The following DISC1 variants were observed in gnomAD, a reference collection of about 807,000 sequenced individuals.
The protein encoded by DISC1 is disrupted in schizophrenia 1 protein.
DISC1 carries 57 observed loss-of-function variants against 84.5 expected under a neutral mutation model. The ratio of observed to expected loss-of-function variants is 0.67; its 90% CI spans 0.55 to 0.84. The LOEUF (loss-of-function observed/expected upper bound fraction) is 0.84, where lower values mean the gene tolerates loss of function less well. Among genes scored for constraint, DISC1 ranks in the 40% least tolerant of loss-of-function variants. DISC1 has a pLI of 0.00. For missense variants in DISC1, 1,000 were observed against 1,057.8 expected, an observed-to-expected ratio of 0.95 and a Z score of 0.76; for synonymous variants, 411 against 415.2, an observed-to-expected ratio of 0.99 and a Z score of 0.12.
chr1:231,781,390 T>A (rs1022045769), intron 6 of DISC1, among the ~76,000 whole-genome samples: 2 of 152,172 alleles, frequency 1.3e-5, no homozygotes, highest in African/African-American at 4.8e-5. Flanking sequence ...TAGGTAGCTC[T>A]TTGGAGGCTT....
intron 9 of DISC1, among the ~76,000 whole-genome samples, chr1:231,933,770 A>G (rs1413586213): frequency 2.0e-5 from 3 of 152,186 alleles, no homozygotes; most frequent in Non-Finnish European, 4.4e-5. Context: ...TGAGTTAAGT[A>G]GGGGTATAAT....
intron 8 of DISC1, among the ~76,000 whole-genome samples, chr1:231,813,051 A>G (rs1286638059): frequency 6.6e-6 from 1 of 152,164 alleles, no homozygotes; most frequent in East Asian, 1.9e-4. Context: ...GAAAGGGCCT[A>G]GGCTTTAATT....
At chr1:231,926,687 T>A (rs1311692793) in intron 9 of DISC1, among the ~76,000 whole-genome samples, 1 of 152,150 alleles carries the variant, frequency 6.6e-6, no homozygotes, top group Non-Finnish European at 1.5e-5. Flanking sequence ...GAGGCAGTAA[T>A]AGCACTTTTA....
chr1:231,748,369 G>A (rs1421623206), intron 3 of DISC1, among the ~76,000 whole-genome samples: 1 of 152,140 alleles, frequency 6.6e-6, no homozygotes, highest in African/African-American at 2.4e-5. Context: ...TGTTCACTGT[G>A]TGTTTGTCAG....
chr1:231,937,709 T>G (rs2091066067), intron 9 of DISC1, among the ~76,000 whole-genome samples: 1 of 151,932 alleles, frequency 6.6e-6, no homozygotes, highest in Admixed American at 6.6e-5. Flanking sequence ...CAGAAGGCAG[T>G]GGAGGCTTGG....
At chr1:231,779,666 T>C (rs773782549) in intron 6 of DISC1, among the ~76,000 whole-genome samples, 6 of 149,474 alleles carry the variant, frequency 4.0e-5, no homozygotes, top group Non-Finnish European at 7.4e-5. Flanking sequence ...TTCACGCCAT[T>C]CTCCTGCCTC....
intron 1 of DISC1, among the ~76,000 whole-genome samples, chr1:231,692,538 G>T (rs932193801): frequency 6.6e-6 from 1 of 152,226 alleles, no homozygotes; most frequent in East Asian, 1.9e-4. Context: ...AGTGATCTCG[G>T]CTTAACAGGA....
At chr1:231,774,491 C>G in intron 6 of DISC1, 1 of 333,008 alleles carries the variant, frequency 3.0e-6, no homozygotes, top group Non-Finnish European at 6.0e-6. Flanking sequence ...CCTGAGACAT[C>G]CTCATTATCT....
intron 4 of DISC1, among the ~76,000 whole-genome samples, chr1:231,752,809 A>C (rs180979181): frequency 1.3e-5 from 2 of 152,374 alleles, no homozygotes; most frequent in Admixed American, 1.3e-4. Context: ...ACATTGGGTT[A>C]ATACTCCTGT....
rs562323232 is a variant in DISC1, at chr1:231,990,074, C to T, written c.2043-18711C>T. ...GCAGTCTTTCCAACTCTTTCCACTT[C>T]ATCAATGAGCCATGTCCATCCTCAC... On this transcript the variant is annotated intron_variant, in intron 10 of 12. Transcript: ENST00000439617. 5.9e-5 allele frequency among the ~76,000 whole-genome samples: 9 copies of T among 152,246 alleles called. No homozygotes were observed. In the South Asian group the frequency reaches 1.9e-3, roughly 32 times the overall value.
chr1:231,752,529 C>T (rs899563311), intron 4 of DISC1, among the ~76,000 whole-genome samples: 11 of 152,178 alleles, frequency 7.2e-5, no homozygotes, highest in Admixed American at 6.5e-4. Context: ...TTCCACCAGG[C>T]CCTGCCTCCA....
intron 12 of DISC1, among the ~76,000 whole-genome samples, chr1:232,029,079 C>T (rs1209855735): frequency 6.6e-6 from 1 of 152,158 alleles, no homozygotes; most frequent in Non-Finnish European, 1.5e-5. Flanking sequence ...CCATGGAACA[C>T]ACAATTACTT....
intron 9 of DISC1, among the ~76,000 whole-genome samples, chr1:231,891,688 G>C (rs113957447): frequency 2.0e-4 from 30 of 152,260 alleles, no homozygotes; most frequent in African/African-American, 6.7e-4. Context: ...GGAGTTGTTG[G>C]GTGGTGTGGG....
chr1:231,834,317 A>G (rs945632713), intron 9 of DISC1, among the ~76,000 whole-genome samples: 1 of 152,058 alleles, frequency 6.6e-6, no homozygotes, highest in Non-Finnish European at 1.5e-5. Flanking sequence ...TCTGTAGAAA[A>G]GGAAGATTAG....
chr1:231,894,259 A>T (rs1338596046), intron 9 of DISC1, among the ~76,000 whole-genome samples: 1 of 152,252 alleles, frequency 6.6e-6, no homozygotes, highest in Non-Finnish European at 1.5e-5. Context: ...TTTCAGAAAT[A>T]TAGAAAGGTA....
chr1:231,824,510 AT>A (rs2081718601), intron 9 of DISC1, among the ~76,000 whole-genome samples: 1 of 151,914 alleles, frequency 6.6e-6, no homozygotes, highest in Non-Finnish European at 1.5e-5. Flanking sequence ...ATTTCTCTCC[AT>A]TTTTTCCTTT....
chr1:231,686,053 G>A (rs964583851), intron 1 of DISC1, among the ~76,000 whole-genome samples: 3 of 152,178 alleles, frequency 2.0e-5, no homozygotes, highest in African/African-American at 7.2e-5. Context: ...CCCATGGTCT[G>A]GGGCAGCTCC....
intron 9 of DISC1, among the ~76,000 whole-genome samples, chr1:231,941,937 A>G (rs2091366943): frequency 6.6e-6 from 1 of 151,350 alleles, no homozygotes; most frequent in South Asian, 2.1e-4. Flanking sequence ...CATTTAAGAC[A>G]AGGCTTAAAG....
chr1:232,020,779 T>A (rs1668887609), intron 11 of DISC1, among the ~76,000 whole-genome samples: 1 of 152,250 alleles, frequency 6.6e-6, no homozygotes, highest in Non-Finnish European at 1.5e-5. Flanking sequence ...TTTATTTACT[T>A]ATTTATTTAT....
Sources: gnomAD v4.1 joint callset for allele counts (sites outside exome capture counted in the v4.1 genomes callset) on GRCh38, gnomAD v4.1.1 for gene constraint, MANE v1.5 for transcripts, NCBI Gene and HGNC (gene_info 2026-07-23, HGNC 2026-07-21) for gene names.